Variants in SUPT20H observed in about 807,000 individuals in gnomAD.
The protein encoded by SUPT20H is SPT20 homolog, SAGA complex component, also known as transcription factor SPT20 homolog.
In SUPT20H, 82 loss-of-function variants were observed where a neutral mutation model predicts 122.8. The observed-to-expected ratio is 0.67, with a 90% confidence interval of 0.56 to 0.80. The LOEUF (loss-of-function observed/expected upper bound fraction) is 0.80, where lower values mean the gene tolerates loss of function less well. Among genes scored for constraint, SUPT20H ranks in the 30% least tolerant of loss-of-function variants. The probability of loss-of-function intolerance (pLI) is 0.00; values close to 1 mark genes in which losing one functional copy is unlikely to be tolerated. For missense variants in SUPT20H, 831 were observed against 921.6 expected (o/e 0.90, Z 1.27); for synonymous variants, 291 against 313.0 (o/e 0.93, Z 0.74).
At chr13:37,046,033 G>A (rs2066352790) in intron 5 of SUPT20H, among the ~76,000 whole-genome samples, 2 of 152,024 alleles carry the variant, frequency 1.3e-5, no homozygotes, top group South Asian at 4.1e-4. Context: ...AACAAATCAT[G>A]TCATCAAATC....
Position 37,040,188 on chromosome 13 carries a change from C to T in SUPT20H, c.567+217G>A, listed in dbSNP as rs568269020. The T allele has an allele frequency of 4.6e-4, 197 of 427,468 alleles. 2 individuals carry two copies. The highest frequency in any genetic ancestry group is 1.5e-4 in the Non-Finnish European group (35 of 240,052). 26.5% of individuals were successfully genotyped at this position (427,468 alleles called of 1,614,324 possible). A position where few individuals can be genotyped will look rare whatever the true frequency, so the allele number is the denominator to read the frequency against. The stretch of plus-strand genomic sequence containing the variant: ...TTTTATCTCATTGAATATATTAGGC[C>T]AGCTTGACCTTAAAATGATCTTAGG... On this transcript the variant is annotated intron_variant, in intron 9 of 25. Transcript: ENST00000350612.
rs749346912 is a variant in SUPT20H at position 37,024,070 on chromosome 13, G to T, written c.1556C>A (p.Ser519Tyr). 6.2e-7 allele frequency: 1 copy of T among 1,613,320 alleles called. No individual in the cohort carries two copies. Among genetic ancestry groups the T allele is most frequent in the East Asian group, 2.2e-5 (1 of 44,842 alleles). The change falls in exon 19 of 26, where the codon TCT becomes TAT. Residue 519 changes from serine to tyrosine, a missense_variant. By Grantham distance (144) the Ser-to-Tyr change is moderately radical. Transcript: ENST00000350612. ...GCTGGCAGGTGATAGGGCAGCTGGA[G>T]AAAGCATGCTAACTTGATTGAGATC... ...SVDLNQVSMLSPAALSPASSS... is the reference protein window; with the variant it reads ...SVDLNQVSMLYPAALSPASSS...
intron 23 of SUPT20H, 138 bp downstream of exon 23, chr13:37,017,107 T>C (rs1240979433): frequency 3.3e-6 from 4 of 1,197,848 alleles, no homozygotes; most frequent in Non-Finnish European, 1.2e-6. Flanking sequence ...ACACACCCAA[T>C]AGCTGATTGC....
At chr13:37,013,224 A>T (rs931470068) in intron 23 of SUPT20H, 2 of 152,160 alleles carry the variant, frequency 1.3e-5, no homozygotes, top group Non-Finnish European at 2.9e-5. Flanking sequence ...TGAACAAGAC[A>T]GTGTGGTATT....
intron 16 of SUPT20H, chr13:37,025,981 T>G (rs1199150968): frequency 1.3e-5 from 5 of 385,118 alleles, no homozygotes; most frequent in Non-Finnish European, 9.3e-6. Context: ...CTTACAGATA[T>G]TTTTCTAGAA....
At chr13:37,043,972 T>G in intron 7 of SUPT20H, 106 bp downstream of exon 7, 1 of 599,256 alleles carries the variant, frequency 1.7e-6, no homozygotes, top group Non-Finnish European at 2.8e-6. Context: ...TGAAACATCA[T>G]GTAGTCGTTT....
intron 21 of SUPT20H, among the ~76,000 whole-genome samples, chr13:37,020,554 A>C (rs984753403): frequency 6.6e-6 from 1 of 152,184 alleles, no homozygotes; most frequent in Non-Finnish European, 1.5e-5. Context: ...TTACATGTAA[A>C]TATCCTAAGT....
intron 12 of SUPT20H, among the ~76,000 whole-genome samples, 198 bp from the exon 13 acceptor site, chr13:37,030,034 T>G (rs1312489155): frequency 6.6e-6 from 1 of 152,200 alleles, no homozygotes; most frequent in Non-Finnish European, 1.5e-5. Context: ...TAAAACAACT[T>G]TAATAAAACC....
At position 37,047,576 on chromosome 13, in the gene SUPT20H, C is replaced by A. The variant is rs530162287; in HGVS notation, c.124G>T (p.Asp42Tyr). The A allele has an allele frequency of 2.0e-5, 28 of 1,423,786 alleles. No individual in the cohort carries two copies. In the Admixed American group the frequency reaches 6.8e-4, roughly 35 times the overall value. The allele number at this position is 1,423,786 out of a possible 1,614,324, so 88.2% of individuals were successfully genotyped here. The change falls in exon 5 of 26, where the codon GAC becomes TAC. Residue 42 changes from aspartate (D) to tyrosine (Y), a missense_variant. Transcript: ENST00000350612. The part of the protein sequence containing the change: ...GRKSVFQKLY[D>Y]LYIEECEKEP... ...TTTTCACATTCTTCAATATACAAGTCATAAAGTTTTTGAAATACAGATTTT... is the reference window on the plus strand; with the variant it reads ...TTTTCACATTCTTCAATATACAAGTAATAAAGTTTTTGAAATACAGATTTT...
intron 6 of SUPT20H, among the ~76,000 whole-genome samples, 190 bp from the exon 7 acceptor site, chr13:37,044,371 A>G (rs556911268): frequency 1.3e-5 from 2 of 152,262 alleles, no homozygotes; most frequent in East Asian, 3.9e-4. Context: ...GGGGGAAAAA[A>G]AAAACCTAAC....
chr13:37,023,153 A>AGAAGTGT (rs2061650113), intron 19 of SUPT20H: 1 of 1,016,784 alleles, frequency 9.8e-7, no homozygotes, highest in Non-Finnish European at 1.3e-6. Context: ...CCACAACATA[A>AGAAGTGT]GAAGTGTGAA....
intron 24 of SUPT20H, 162 bp from the exon 25 acceptor site, chr13:37,010,817 C>A: frequency 1.8e-6 from 1 of 542,366 alleles, no homozygotes. Flanking sequence ...TATATGGTCT[C>A]CTGTTAGTTG....
At chr13:37,039,044 A>G (rs1051315838) in intron 9 of SUPT20H, 1 of 152,220 alleles carries the variant, frequency 6.6e-6, no homozygotes, top group African/African-American at 2.4e-5. Flanking sequence ...TATGTTGAAG[A>G]CGAAGCCTGC....
chr13:37,048,546 A>G lies in SUPT20H; in HGVS notation c.39+18T>C. ...TAAAGACAACACTATTTCAATATGT[A>G]ACTTAGTCACACCTCACCTCTGCAC... On this transcript the variant is annotated intron_variant, in intron 3 of 25. Coordinates refer to ENST00000350612, the MANE Select transcript of SUPT20H (RefSeq NM_001014286.3). 1 of 1,572,874 alleles carries G rather than the reference A, an allele frequency of 6.4e-7. No homozygotes were observed. Among genetic ancestry groups the G allele is most frequent in the Non-Finnish European group, 8.6e-7 (1 of 1,163,308 alleles).
chr13:37,023,835 C>A, intron 19 of SUPT20H, 200 bp downstream of exon 19: 1 of 464,626 alleles, frequency 2.2e-6, no homozygotes, highest in Non-Finnish European at 3.7e-6. Context: ...TACACAGATA[C>A]AGAAAAACAA....
At chr13:37,013,429 A>C (rs1272885035) in intron 23 of SUPT20H, 1 of 151,976 alleles carries the variant, frequency 6.6e-6, no homozygotes, top group Non-Finnish European at 1.5e-5. Context: ...CTGATAGGAA[A>C]ACAAAAACAA....
rs1332831518 is a variant in SUPT20H at position 37,044,115 on chromosome 13, A to T, written c.359T>A (p.Leu120Ter). ...TAGGAGATCAACCAAAATAGGAGGTAATTCTTCTGCATCCAAATATTCAAG... is the reference window on the plus strand; with the variant it reads ...TAGGAGATCAACCAAAATAGGAGGTTATTCTTCTGCATCCAAATATTCAAG... The part of the protein sequence containing the change: ...ELLEYLDAEE[L>*]PPILVDLLEK... Residue 120 changes from leucine to a stop codon, truncating the protein, a stop_gained, in exon 7 of 26, where the codon TTA (leucine) becomes TAA (stop). Transcript: ENST00000350612. LOFTEE classifies it high-confidence loss of function. 1 of 1,612,906 alleles carries T rather than the reference A, an allele frequency of 6.2e-7. No individual in the cohort carries two copies.
intron 2 of SUPT20H, among the ~76,000 whole-genome samples, chr13:37,050,489 T>C (rs918502585): frequency 6.6e-6 from 1 of 152,090 alleles, no homozygotes; most frequent in East Asian, 1.9e-4. Flanking sequence ...CATATACACT[T>C]CACAAATACA....
At chr13:37,048,517 C>A in intron 3 of SUPT20H, 47 bp downstream of exon 3, 3 of 1,512,686 alleles carry the variant, frequency 2.0e-6, no homozygotes, top group South Asian at 2.7e-5. Context: ...GAGCTTTTGT[C>A]AATTAAAGAC....
Sources: gnomAD v4.1 joint callset for allele counts (sites outside exome capture counted in the v4.1 genomes callset) on GRCh38, gnomAD v4.1.1 for gene constraint, MANE v1.5 for transcripts, NCBI Gene and HGNC (gene_info 2026-07-23, HGNC 2026-07-21) for gene names.